PDE4D: variants seen among roughly 807,000 people sequenced by gnomAD.
The protein encoded by PDE4D is phosphodiesterase 4D.
Under a neutral mutation model 87.4 loss-of-function variants are expected in PDE4D, and 24 were observed. The observed-to-expected ratio is 0.27, with a 90% confidence interval of 0.20 to 0.39. The LOEUF (loss-of-function observed/expected upper bound fraction) is 0.39, where lower values mean the gene tolerates loss of function less well. PDE4D is among the 10% of genes least tolerant of loss of function. The probability of loss-of-function intolerance (pLI) is 1.00; values close to 1 mark genes in which losing one functional copy is unlikely to be tolerated. For synonymous variants in PDE4D, 384 were observed against 383.2 expected, an observed-to-expected ratio of 1.00 and a Z score of -0.02; for missense variants, 714 against 1,041.0, an observed-to-expected ratio of 0.69 and a Z score of 4.32.
intron 3 of PDE4D, among the ~76,000 whole-genome samples, chr5:59,914,866 G>GGTGTGTGTGTGT (rs3062699): frequency 0.017 from 2,082 of 122,410 alleles, 44 homozygotes; most frequent in Non-Finnish European, 0.025. Context: ...TACTGATAGG[G>GGTGTGTGTGTGT]GTGTGTGTGT....
chr5:59,766,113 T>A (rs1232938773), intron 1 of PDE4D, among the ~76,000 whole-genome samples: 2 of 152,210 alleles, frequency 1.3e-5, no homozygotes, highest in African/African-American at 4.8e-5. Flanking sequence ...TTCTCCATAG[T>A]GCTTAGCACA....
chr5:59,369,119 A>G (rs951248334), intron 1 of PDE4D, among the ~76,000 whole-genome samples: 2 of 152,214 alleles, frequency 1.3e-5, no homozygotes, highest in African/African-American at 4.8e-5. Context: ...ATCTACTACT[A>G]TCTAGAAATT....
intron 1 of PDE4D, among the ~76,000 whole-genome samples, chr5:59,795,654 G>A (rs753009486): frequency 4.6e-5 from 7 of 151,988 alleles, no homozygotes; most frequent in Non-Finnish European, 5.9e-5. Flanking sequence ...AACTTGCCTC[G>A]GACCACACTG....
rs370971910 is a variant in PDE4D, at chr5:59,207,656, TTGTGGAA to T, written c.647+8114_647+8120del. The stretch of plus-strand genomic sequence containing the variant: ...GGCAGGAATTCAGTGTCTCATAGGA[TTGTGGAA>T]TAATTGCTCTTGTTATTAAACTACC... On this transcript the variant is annotated intron_variant, in intron 2 of 14. Coordinates refer to ENST00000340635, the MANE Select transcript of PDE4D (RefSeq NM_001104631.2). 2.5e-3 allele frequency among the ~76,000 whole-genome samples: 375 copies of T among 152,244 alleles called. 3 individuals carry two copies. The highest frequency in any genetic ancestry group is 7.8e-3 in the African/African-American group (323 of 41,522).
intron 1 of PDE4D, among the ~76,000 whole-genome samples, chr5:59,690,665 A>G (rs1213037140): frequency 6.6e-6 from 1 of 152,222 alleles, no homozygotes; most frequent in African/African-American, 2.4e-5. Flanking sequence ...ACAGGCAAGG[A>G]CTTCATGACT....
At chr5:59,541,049 G>A (rs1000010983) in intron 1 of PDE4D, among the ~76,000 whole-genome samples, 1 of 152,134 alleles carries the variant, frequency 6.6e-6, no homozygotes, top group Non-Finnish European at 1.5e-5. Flanking sequence ...TTAAAGAAAC[G>A]ACGCCCTTAA....
intron 1 of PDE4D, among the ~76,000 whole-genome samples, chr5:59,759,660 C>G (rs758470782): frequency 1.6e-4 from 25 of 152,164 alleles, no homozygotes; most frequent in Non-Finnish European, 2.8e-4. Flanking sequence ...AGCGCCTCCA[C>G]CTCCCATGAT....
chr5:59,827,321 T>C (rs1206054113), intron 1 of PDE4D, among the ~76,000 whole-genome samples: 2 of 152,058 alleles, frequency 1.3e-5, no homozygotes, highest in Non-Finnish European at 2.9e-5. Flanking sequence ...ACTAAGTTTG[T>C]GGAAAGCAAG....
chr5:59,931,421 G>A lies in PDE4D; in HGVS notation c.272+57067C>T, dbSNP rs1051846414. ...ATACCTGAAACTTTCTTACAGTTAC[G>A]GAGGCTAAGAAATCTAAGGTCAAGG... On this transcript the variant is annotated intron_variant, in intron 3 of 16. Transcript: ENST00000502484. 9.9e-5 allele frequency among the ~76,000 whole-genome samples: 15 copies of A among 152,150 alleles called. 1 individual carries two copies. The Middle Eastern group carries it at 0.01, about 104-fold the overall frequency.
chr5:59,400,667 G>A (rs1790429766), intron 1 of PDE4D, among the ~76,000 whole-genome samples: 1 of 151,064 alleles, frequency 6.6e-6, no homozygotes. Context: ...ACACCAGCAT[G>A]GCACATGTAT....
rs979115043 is a variant in PDE4D, at chr5:60,314,742, G to A, written c.-89-129055C>T. Among the ~76,000 whole-genome samples the A allele has an allele frequency of 3.3e-4, 50 of 151,940 alleles. 2 individuals carry two copies. The highest frequency in any genetic ancestry group is 2.9e-5 in the Non-Finnish European group (2 of 67,992). On this transcript the variant is annotated intron_variant, in intron 1 of 16. Coordinates refer to the PDE4D transcript ENST00000502484. ...ATGAGTGACAACATGCGGTGTTTGG[G>A]TTTTTGTCTTTGTGATAGTTTGCTG...
intron 1 of PDE4D, among the ~76,000 whole-genome samples, chr5:59,310,340 T>A (rs1217274334): frequency 6.6e-6 from 1 of 152,206 alleles, no homozygotes; most frequent in South Asian, 2.1e-4. Context: ...ATTCTGCATA[T>A]CATGCAACTT....
intron 5 of PDE4D, among the ~76,000 whole-genome samples, chr5:59,113,684 TA>T (rs992819462): frequency 4.5e-4 from 68 of 152,312 alleles, no homozygotes; most frequent in African/African-American, 1.5e-3. Flanking sequence ...AGCATTGTGT[TA>T]GGTGACCAAT....
chr5:59,941,132 T>C (rs1467692652), intron 3 of PDE4D, among the ~76,000 whole-genome samples: 3 of 152,182 alleles, frequency 2.0e-5, no homozygotes, highest in Non-Finnish European at 4.4e-5. Context: ...GTATATTTCC[T>C]TCACAGTCAG....
intron 5 of PDE4D, among the ~76,000 whole-genome samples, chr5:59,085,841 C>T (rs532500788): frequency 4.6e-5 from 7 of 152,166 alleles, no homozygotes; most frequent in South Asian, 4.1e-4. Context: ...GCTGAATACT[C>T]GTCAGAAAAG....
chr5:60,095,323 A>C (rs901397049), intron 2 of PDE4D, among the ~76,000 whole-genome samples: 6 of 152,124 alleles, frequency 3.9e-5, no homozygotes, highest in Admixed American at 3.9e-4. Flanking sequence ...TTCTTGTGTT[A>C]GTTTGCTGAG....
In PDE4D at chr5:60,240,403, T is replaced by C. The variant is rs540037754; in HGVS notation, c.-89-54716A>G. 2.9e-4 allele frequency among the ~76,000 whole-genome samples: 44 copies of C among 152,192 alleles called. 1 individual carries two copies. In the South Asian group the frequency reaches 7.5e-3, roughly 26 times the overall value. Reference sequence around the variant, plus strand: ...CTCTTGGGGTCCCCAGTTCCAAGGCTTGACTCTTGAATGGCATTTCTGGAC... The same window carrying C: ...CTCTTGGGGTCCCCAGTTCCAAGGCCTGACTCTTGAATGGCATTTCTGGAC... On this transcript the variant is annotated intron_variant, in intron 1 of 16. Transcript: ENST00000502484.
chr5:59,769,488 G>A (rs192834947), intron 1 of PDE4D, among the ~76,000 whole-genome samples: 293 of 152,208 alleles, frequency 1.9e-3, no homozygotes, highest in African/African-American at 6.7e-3. Context: ...CTAGCTTTTC[G>A]TGATTTCCTT....
chr5:59,383,918 C>T (rs1029065431), intron 1 of PDE4D, among the ~76,000 whole-genome samples: 1 of 152,196 alleles, frequency 6.6e-6, no homozygotes, highest in East Asian at 1.9e-4. Context: ...GATAGGGTCT[C>T]CCTCTGTCAC....
Sources: gnomAD v4.1 joint callset for allele counts (sites outside exome capture counted in the v4.1 genomes callset) on GRCh38, gnomAD v4.1.1 for gene constraint, MANE v1.5 for transcripts, NCBI Gene and HGNC (gene_info 2026-07-23, HGNC 2026-07-21) for gene names.